EFCAB5: variants seen among roughly 807,000 people sequenced by gnomAD.
EFCAB5 encodes the protein EF-hand calcium binding domain 5, also known as EF-hand calcium-binding domain-containing protein 5.
A neutral mutation model predicts 167.9 loss-of-function variants in EFCAB5; 131 were observed. The observed-to-expected ratio is 0.78, with a 90% CI of 0.68 to 0.90. The LOEUF (loss-of-function observed/expected upper bound fraction) is 0.90. EFCAB5 is among the 40% of genes least tolerant of loss of function. EFCAB5 has a pLI of 0.00. For missense variants in EFCAB5, 1,663 were observed against 1,745.2 expected, an observed-to-expected ratio of 0.95 and a Z score of 0.84; for synonymous variants, 574 against 602.8, an observed-to-expected ratio of 0.95 and a Z score of 0.70.
At chr17:29,983,613 A>T (rs2068221962) in intron 4 of EFCAB5, among the ~76,000 whole-genome samples, 1 of 152,198 alleles carries the variant, frequency 6.6e-6, no homozygotes, top group Admixed American at 6.5e-5. Context: ...GAATCTGCTT[A>T]TAGGTTATGT....
chr17:29,966,076 A>G (rs2067821350), intron 3 of EFCAB5, among the ~76,000 whole-genome samples: 1 of 152,140 alleles, frequency 6.6e-6, no homozygotes, highest in Non-Finnish European at 1.5e-5. Context: ...CATATATCAT[A>G]ATATTTACCA....
At chr17:30,024,728 C>T (rs2069271747) in intron 7 of EFCAB5, among the ~76,000 whole-genome samples, 1 of 152,032 alleles carries the variant, frequency 6.6e-6, no homozygotes, top group African/African-American at 2.4e-5. Flanking sequence ...ATCGCCAAGT[C>T]AATCCTAAGC....
At chr17:30,048,679 G>A (rs894211768) in intron 8 of EFCAB5, among the ~76,000 whole-genome samples, 1 of 151,930 alleles carries the variant, frequency 6.6e-6, no homozygotes, top group African/African-American at 2.4e-5. Context: ...GTAGAGATGG[G>A]GTTTCACTGT....
At chr17:29,977,858 G>A (rs2068091842) in intron 4 of EFCAB5, among the ~76,000 whole-genome samples, 1 of 152,152 alleles carries the variant, frequency 6.6e-6, no homozygotes, top group African/African-American at 2.4e-5. Flanking sequence ...TGCATATTAA[G>A]TCGTGTAGTG....
chr17:29,944,920 G>A (rs1355355578), intron 3 of EFCAB5, among the ~76,000 whole-genome samples: 1 of 152,026 alleles, frequency 6.6e-6, no homozygotes, highest in Non-Finnish European at 1.5e-5. Flanking sequence ...ACTGTGCCCG[G>A]CCAACACTGT....
chr17:30,090,185 A>G (rs1180927323), intron 19 of EFCAB5, among the ~76,000 whole-genome samples: 2 of 152,172 alleles, frequency 1.3e-5, no homozygotes, highest in African/African-American at 4.8e-5. Context: ...GCTGCTTGAG[A>G]TTGGGTGGTC....
chr17:30,080,777 G>T lies in EFCAB5; in HGVS notation c.3222G>T (p.Lys1074Asn). ...GISFTVVDEG[K>N]PIHVPQVQYH... ...GCTTTACAGTAGTGGATGAAGGGAA[G>T]CCAATCCATGTTCCCCAAGTTCAGT... The change falls in exon 17 of 23, where the codon AAG becomes AAT. Residue 1074 changes from lysine (K) to asparagine (N), a missense_variant. Physicochemically the swap from Lys to Asn is moderately conservative, Grantham distance 94. Transcript: ENST00000394835. 6.2e-7 allele frequency: 1 copy of T among 1,608,272 alleles called. No homozygotes were observed.
At chr17:29,967,699 T>TC (rs1449871154) in intron 3 of EFCAB5, among the ~76,000 whole-genome samples, 1 of 152,170 alleles carries the variant, frequency 6.6e-6, no homozygotes, top group Non-Finnish European at 1.5e-5. Context: ...ACTTTTCCTG[T>TC]CATTGCTAGA....
At chr17:30,010,633 C>A (rs1340635916) in intron 7 of EFCAB5, among the ~76,000 whole-genome samples, 1 of 152,142 alleles carries the variant, frequency 6.6e-6, no homozygotes, top group Non-Finnish European at 1.5e-5. Flanking sequence ...ATATCCTTTG[C>A]CCACTTTTTG....
intron 3 of EFCAB5, among the ~76,000 whole-genome samples, chr17:29,952,043 T>C (rs1366261377): frequency 1.3e-5 from 2 of 152,194 alleles, no homozygotes; most frequent in African/African-American, 2.4e-5. Flanking sequence ...CTCACAGTTA[T>C]GGAGGCTGGG....
At chr17:30,057,556 G>T in intron 12 of EFCAB5, 120 bp from the exon 13 acceptor site, 1 of 798,222 alleles carries the variant, frequency 1.3e-6, no homozygotes, top group Non-Finnish European at 2.0e-6. Context: ...TCCTCATGAA[G>T]GAAGCATGGA....
chr17:29,946,431 T>G (rs1180640268), intron 3 of EFCAB5, among the ~76,000 whole-genome samples: 1 of 37,244 alleles, frequency 2.7e-5, no homozygotes, highest in Non-Finnish European at 5.9e-5. Flanking sequence ...GGAAATTTCT[T>G]TTTTTTTTTT....
chr17:30,026,974 T>C (rs1209927214), intron 7 of EFCAB5, among the ~76,000 whole-genome samples: 31 of 70,358 alleles, frequency 4.4e-4, no homozygotes, highest in Non-Finnish European at 7.0e-4. Context: ...TTTTTTTTTT[T>C]TTTTTTTTTT....
At chr17:29,983,223 T>C (rs999131520) in intron 4 of EFCAB5, among the ~76,000 whole-genome samples, 1 of 152,180 alleles carries the variant, frequency 6.6e-6, no homozygotes, top group Non-Finnish European at 1.5e-5. Flanking sequence ...ATCACTTTTG[T>C]AGTGGTTGGC....
rs572940083 is a variant in EFCAB5 at position 30,047,587 on chromosome 17, C to T, written c.1201-3531C>T. 5.3e-5 allele frequency among the ~76,000 whole-genome samples: 8 copies of T among 152,254 alleles called. No homozygotes were observed. In the East Asian group the frequency reaches 7.7e-4, roughly 15 times the overall value. ...TCAAAGATCCAAGGCCATATTTTAACGGATCCAGTTTGTCTAGGACTCACA... is the reference window on the plus strand; with the variant it reads ...TCAAAGATCCAAGGCCATATTTTAATGGATCCAGTTTGTCTAGGACTCACA... On this transcript the variant is annotated intron_variant, in intron 8 of 22. Transcript: ENST00000394835.
chr17:30,047,330 A>G (rs2069955897), intron 8 of EFCAB5, among the ~76,000 whole-genome samples: 1 of 152,210 alleles, frequency 6.6e-6, no homozygotes, highest in Non-Finnish European at 1.5e-5. Flanking sequence ...CCCTTGAGAA[A>G]TAACTAAAGA....
chr17:30,041,400 A>C (rs1459381648), intron 8 of EFCAB5, among the ~76,000 whole-genome samples: 1 of 152,234 alleles, frequency 6.6e-6, no homozygotes, highest in Non-Finnish European at 1.5e-5. Context: ...AATAGCAAGA[A>C]AACTAGAATT....
chr17:30,024,862 C>G (rs988495243), intron 7 of EFCAB5, among the ~76,000 whole-genome samples: 18 of 151,796 alleles, frequency 1.2e-4, no homozygotes, highest in African/African-American at 3.9e-4. Flanking sequence ...CAGAACAGAG[C>G]CCTCAGAAAT....
intron 4 of EFCAB5, 44 bp from the exon 5 acceptor site, chr17:29,993,121 C>G (rs1407866119): frequency 6.6e-7 from 1 of 1,505,140 alleles, no homozygotes; most frequent in Admixed American, 2.2e-5. Flanking sequence ...GGACCAAATC[C>G]AAGGGTATTA....
Sources: allele counts gnomAD v4.1 joint callset (sites outside exome capture counted in the v4.1 genomes callset), GRCh38; gene constraint gnomAD v4.1.1; transcripts MANE v1.5; gene names NCBI Gene and HGNC (gene_info 2026-07-23, HGNC 2026-07-21).